FN1: variants seen among roughly 807,000 people sequenced by gnomAD.
FN1 encodes the protein fibronectin 1.
A neutral mutation model predicts 297.3 loss-of-function variants in FN1; 106 were observed. That is an observed-to-expected ratio of 0.36 (90% CI 0.30 to 0.42). The LOEUF is 0.42. FN1 is among the 10% of genes least tolerant of loss of function. The pLI, the probability that FN1 is intolerant of heterozygous loss-of-function variation, is 1.00. For synonymous variants in FN1, 1,149 were observed against 1,152.6 expected, an observed-to-expected ratio of 1.00 and a Z score of 0.06; for missense variants, 2,690 against 3,124.9, an observed-to-expected ratio of 0.86 and a Z score of 3.32.
At chr2:215,384,741 G>T in intron 29 of FN1, 119 bp downstream of exon 29, 1 of 750,230 alleles carries the variant, frequency 1.3e-6, no homozygotes, top group Non-Finnish European at 2.4e-6. Context: ...AAAAAACAAG[G>T]GCTCCGTTGA....
rs2106291749 is a variant in FN1, at chr2:215,375,648, C to T, written c.5958G>A (p.Val1986=). ...TLNDNARSSP[V]VIDASTAIDA... Reference sequence around the variant, plus strand: ...AGTTACCAGTGGAGGCGTCGATGACCACAGGGGAGCTCCGAGCATTGTCAT... The same window carrying T: ...AGTTACCAGTGGAGGCGTCGATGACTACAGGGGAGCTCCGAGCATTGTCAT... The change falls in exon 37 of 46, where the codon GTG becomes GTA. Residue 1986 remains valine (V), a synonymous_variant. Transcript: ENST00000354785. 1.2e-6 allele frequency: 2 copies of T among 1,612,580 alleles called. No individual in the cohort carries two copies. Among genetic ancestry groups the T allele is most frequent in the South Asian group, 2.2e-5 (2 of 91,034 alleles).
At chr2:215,382,378 C>T in intron 31 of FN1, 53 bp from the exon 32 acceptor site, 1 of 1,151,810 alleles carries the variant, frequency 8.7e-7, no homozygotes, top group Non-Finnish European at 1.3e-6. Flanking sequence ...ACTATAAAGT[C>T]CTCAAGTGGC....
intron 30 of FN1, 48 bp downstream of exon 30, chr2:215,383,972 T>C: frequency 1.9e-6 from 3 of 1,581,960 alleles, no homozygotes; most frequent in Non-Finnish European, 2.6e-6. Context: ...TGCAAAACAG[T>C]ATCTGAATAA....
At position 215,414,947 on chromosome 2, in the gene FN1, G is replaced by A; in HGVS notation, c.1831C>T (p.Pro611Ser). 1 of 1,613,282 alleles carries A rather than the reference G, an allele frequency of 6.2e-7. No individual in the cohort carries two copies. Among genetic ancestry groups the A allele is most frequent in the African/African-American group, 1.3e-5 (1 of 74,992 alleles). The change falls in exon 13 of 46, where the codon CCT (proline) becomes TCT (serine). Residue 611 changes from proline to serine, a missense_variant. By Grantham distance (74) the Pro-to-Ser change is moderately conservative. This residue lies in a region of FN1 where 876 missense variants were observed against 1,058.1 expected (regional missense o/e 0.83). Coordinates refer to ENST00000354785, the MANE Select transcript of FN1 (RefSeq NM_212482.4). ...PLQTYPSSSG[P>S]VEVFITETPS... The stretch of plus-strand genomic sequence containing the variant: ...GTCTCAGTGATAAATACTTCGACAG[G>A]ACCACTTGAGCCTGAAAATGAAAAT...
At chr2:215,382,361 G>T (rs373518115) in intron 31 of FN1, 36 bp from the exon 32 acceptor site, 10 of 1,346,358 alleles carry the variant, frequency 7.4e-6, no homozygotes, top group African/African-American at 1.4e-5. Context: ...CAACATCCAC[G>T]TCATCCACTA....
chr2:215,394,738 G>A lies in FN1; in HGVS notation c.3605-19C>T, dbSNP rs764893538. On this transcript the variant is annotated intron_variant, in intron 23 of 45. Coordinates refer to ENST00000354785, the MANE Select transcript of FN1 (RefSeq NM_212482.4). Reference sequence around the variant, plus strand: ...GTAATGTCTGGAGAAAAAAGAAAAGGGAAGTTATTGCACAGAGGATCTGTG... The same window carrying A: ...GTAATGTCTGGAGAAAAAAGAAAAGAGAAGTTATTGCACAGAGGATCTGTG... 3 of 1,589,062 alleles carry A rather than the reference G, an allele frequency of 1.9e-6. No individual in the cohort carries two copies. In the South Asian group the frequency reaches 3.3e-5, roughly 18 times the overall value.
intron 23 of FN1, among the ~76,000 whole-genome samples, chr2:215,395,246 A>G (rs947116764): frequency 6.6e-6 from 1 of 152,190 alleles, no homozygotes; most frequent in African/African-American, 2.4e-5. Context: ...AGAAAGGAGA[A>G]AAGGTGAGAA....
At chr2:215,392,864 A>G in intron 25 of FN1, 67 bp downstream of exon 25, 2 of 1,561,130 alleles carry the variant, frequency 1.3e-6, no homozygotes, top group Non-Finnish European at 1.8e-6. Context: ...TCCATATTTA[A>G]CCGGAGTAAC....
chr2:215,377,058 A>ATG (rs1295211793), intron 35 of FN1, among the ~76,000 whole-genome samples: 1 of 106,694 alleles, frequency 9.4e-6, no homozygotes, highest in Non-Finnish European at 1.9e-5. Context: ...GTGTGTGTGT[A>ATG]TGTGTGTGTG....
At chr2:215,401,193 GAAAGAAA>G (rs2060982709) in intron 20 of FN1, among the ~76,000 whole-genome samples, 1 of 99,482 alleles carries the variant, frequency 1.0e-5, no homozygotes, top group African/African-American at 4.2e-5. Context: ...GAGAGAGAAA[GAAAGAAA>G]AGAAAGAAAG....
Position 215,375,606 on chromosome 2 carries a change from T to G in FN1, c.5977+23A>C, listed in dbSNP as rs1429409766. ...TGATTGCATACAAGTCAATGGCATT[T>G]CCTCAGTAGAAGGTATAGTTACCAG... On this transcript the variant is annotated intron_variant, in intron 37 of 45. Coordinates refer to ENST00000354785, the MANE Select transcript of FN1 (RefSeq NM_212482.4). 2.0e-6 allele frequency: 3 copies of G among 1,531,522 alleles called. No individual in the cohort carries two copies. In the South Asian group the frequency reaches 3.4e-5, roughly 17 times the overall value. 94.9% of individuals were successfully genotyped at this position (1,531,522 alleles called of 1,614,324 possible). A position where few individuals can be genotyped will look rare whatever the true frequency, so the allele number is the denominator to read the frequency against.
chr2:215,415,464 G>A (rs946534325), intron 12 of FN1, among the ~76,000 whole-genome samples: 1 of 152,046 alleles, frequency 6.6e-6, no homozygotes, highest in African/African-American at 2.4e-5. Context: ...TCTAAATGGG[G>A]GTAGAATCTT....
At chr2:215,369,935 A>C (rs1483089449) in intron 41 of FN1, among the ~76,000 whole-genome samples, 1 of 152,166 alleles carries the variant, frequency 6.6e-6, no homozygotes, top group Non-Finnish European at 1.5e-5. Context: ...GCATGGTGAG[A>C]TGGAGAGGGT....
intron 41 of FN1, 102 bp downstream of exon 41, chr2:215,370,192 A>C (rs2055586844): frequency 8.2e-7 from 1 of 1,225,034 alleles, no homozygotes; most frequent in East Asian, 2.3e-5. Flanking sequence ...TTAAATCCCA[A>C]AGATAAAAAG....
At chr2:215,419,948 T>C (rs2106395008) in intron 11 of FN1, among the ~76,000 whole-genome samples, 1 of 152,324 alleles carries the variant, frequency 6.6e-6, no homozygotes, top group Non-Finnish European at 1.5e-5. Flanking sequence ...CCTGTCTCTT[T>C]TGGTAAAGAA....
At chr2:215,428,093 A>T (rs1342149238) in intron 6 of FN1, 87 bp downstream of exon 6, 1 of 1,475,462 alleles carries the variant, frequency 6.8e-7, no homozygotes, top group East Asian at 2.3e-5. Flanking sequence ...ATTATCCTCA[A>T]ATGGCATGTC....
rs766212576 is a variant in FN1, at chr2:215,361,962, C to G, written c.7362+7G>C. 27 of 1,612,410 alleles carry G rather than the reference C, an allele frequency of 1.7e-5. No individual in the cohort carries two copies. In the East Asian group the frequency reaches 5.8e-4, roughly 35 times the overall value. On this transcript the variant is annotated splice_region_variant and intron_variant, in intron 45 of 45. Transcript: ENST00000354785. Reference sequence around the variant, plus strand: ...AGGGAACACACTTGTGCTGCTAATGCACTTACAGTGTTTGTTCTCTGATGG... The same window carrying G: ...AGGGAACACACTTGTGCTGCTAATGGACTTACAGTGTTTGTTCTCTGATGG...
rs998969140 is a variant in FN1 at position 215,394,627 on chromosome 2, T to G, written c.3697A>C (p.Thr1233Pro). 10 of 1,614,128 alleles carry G rather than the reference T, an allele frequency of 6.2e-6. No individual in the cohort carries two copies. The highest frequency in any genetic ancestry group is 8.5e-6 in the Non-Finnish European group (10 of 1,179,978). The change falls in exon 24 of 46, where the codon ACT (threonine) becomes CCT (proline). Residue 1233 changes from threonine to proline, a missense_variant. By Grantham distance (38) the Thr-to-Pro change is conservative (BLOSUM62 -1). This residue lies in a region of FN1 where 1,743 missense variants were observed against 1,945.2 expected (regional missense o/e 0.90). Transcript: ENST00000354785. ...AGGCCGGGACTCAGGTTATCAAAAG[T>G]GCAGGAGCTCTGATCAGCATGGACC... ...EVVHADQSSC[T>P]FDNLSPGLEY...
intron 38 of FN1, among the ~76,000 whole-genome samples, chr2:215,374,817 A>C (rs2056962139): frequency 6.6e-6 from 1 of 152,226 alleles, no homozygotes; most frequent in Non-Finnish European, 1.5e-5. Flanking sequence ...GATAGTGGTC[A>C]ACAAGGTCAA....
Sources: allele counts gnomAD v4.1 joint callset (sites outside exome capture counted in the v4.1 genomes callset), GRCh38; gene constraint gnomAD v4.1.1; regional missense constraint gnomAD v4.1.1; transcripts MANE v1.5; gene names NCBI Gene and HGNC (gene_info 2026-07-23, HGNC 2026-07-21).